Variants in NHS observed in about 807,000 individuals in gnomAD.
NHS encodes NHS actin remodeling regulator.
A neutral mutation model predicts 72.5 loss-of-function variants in NHS; 5 were observed. The ratio of observed to expected loss-of-function variants is 0.07; its 90% CI spans 0.04 to 0.14. The LOEUF is 0.14. Among genes scored for constraint, NHS ranks in the 10% least tolerant of loss-of-function variants. The pLI, the probability that NHS is intolerant of heterozygous loss-of-function variation, is 1.00. For synonymous variants in NHS, 464 were observed against 547.7 expected, an observed-to-expected ratio of 0.85 and a Z score of 2.13; for missense variants, 1,072 against 1,355.7, an observed-to-expected ratio of 0.79 and a Z score of 3.29.
chrX:17,544,946 G>A (rs958010928), intron 1 of NHS, among the ~76,000 whole-genome samples: 1 of 112,949 alleles, frequency 8.9e-6, no homozygotes, highest in African/African-American at 3.2e-5. Context: ...CTCTGCAGGA[G>A]CTAGTCAGTT....
At chrX:17,671,038 G>A (rs1056119989) in intron 1 of NHS, among the ~76,000 whole-genome samples, 2 of 111,541 alleles carry the variant, frequency 1.8e-5, no homozygotes, top group African/African-American at 6.5e-5. Context: ...GACTTCCTGA[G>A]AGGGTGCTGG....
intron 5 of NHS, among the ~76,000 whole-genome samples, chrX:17,723,726 G>GGGGTGTGTGT (rs577139213): frequency 1.4e-5 from 1 of 71,075 alleles, no homozygotes; most frequent in East Asian, 5.1e-4. Flanking sequence ...CAGCAAAAGA[G>GGGGTGTGTGT]GTGTGTGTGT....
intron 1 of NHS, among the ~76,000 whole-genome samples, chrX:17,413,785 AAAG>A (rs1299683314): frequency 8.9e-6 from 1 of 111,803 alleles, no homozygotes; most frequent in Non-Finnish European, 1.9e-5. Context: ...ACCCCCAAAA[AAAG>A]CAGATAAACA....
chrX:17,452,484 T>C lies in NHS; in HGVS notation c.565+76162T>C, dbSNP rs148910647. On this transcript the variant is annotated intron_variant, in intron 1 of 8. Transcript: ENST00000676302. ...TCCACCATTCCCTGGGCTCAGTATC[T>C]TTCTGTGTTTTTTTTTTTTGTTTTT... is the stretch of plus-strand genomic sequence containing the variant. Among the ~76,000 whole-genome samples the C allele has an allele frequency of 9.3e-3, 1,014 of 108,483 alleles. 17 individuals are homozygous for C. The highest frequency in any genetic ancestry group is 0.033 in the African/African-American group (954 of 29,311). 94.2% of individuals were successfully genotyped at this position (108,483 alleles called of 115,157 possible).
intron 1 of NHS, among the ~76,000 whole-genome samples, chrX:17,501,741 C>A (rs1225462622): frequency 8.9e-6 from 1 of 112,320 alleles, no homozygotes; most frequent in Non-Finnish European, 1.9e-5. Context: ...AACAAACAAA[C>A]AAACAAAAAG....
At chrX:17,606,058 C>G (rs1344129695) in intron 1 of NHS, among the ~76,000 whole-genome samples, 1 of 112,175 alleles carries the variant, frequency 8.9e-6, no homozygotes, top group Non-Finnish European at 1.9e-5. Context: ...CCATATGGGG[C>G]CCCTGGAAAC....
chrX:17,548,710 C>T (rs1441289756), intron 1 of NHS, among the ~76,000 whole-genome samples: 2 of 111,802 alleles, frequency 1.8e-5, no homozygotes, highest in Non-Finnish European at 3.8e-5. Flanking sequence ...TGTGTATATG[C>T]ACCACATACA....
At position 17,399,149 on chromosome X, in the gene NHS, C is replaced by T. The variant is rs561163065; in HGVS notation, c.565+22827C>T. 7.7e-4 allele frequency among the ~76,000 whole-genome samples: 84 copies of T among 109,412 alleles called. 2 individuals carry two copies. The South Asian group carries it at 0.027, about 36-fold the overall frequency. ...CAAGGTCTTGCTCTGTTGCCCAGGC[C>T]GGAGTGCAGTGGTACTATCTCAGCT... On this transcript the variant is annotated intron_variant, in intron 1 of 8. Transcript: ENST00000676302.
At chrX:17,587,558 G>T (rs185811537) in intron 1 of NHS, among the ~76,000 whole-genome samples, 1 of 112,115 alleles carries the variant, frequency 8.9e-6, no homozygotes, top group African/African-American at 3.2e-5. Flanking sequence ...TGCTAATTAC[G>T]CAATTGTGCG....
chrX:17,541,941 G>A (rs894548735), intron 1 of NHS, among the ~76,000 whole-genome samples: 3 of 111,617 alleles, frequency 2.7e-5, no homozygotes, highest in African/African-American at 3.3e-5. Flanking sequence ...GGAGACCTTC[G>A]CCTTGCTTAG....
rs367683789 is a variant in NHS, at chrX:17,725,911, C to T, written c.1805C>T (p.Thr602Met). 8.3e-6 allele frequency: 10 copies of T among 1,209,615 alleles called. No individual in the cohort carries two copies. The highest frequency in any genetic ancestry group is 5.3e-5 in the African/African-American group (3 of 56,983). ...TGTGACATCTCCTCCAACTCAGACA[C>T]GTTTGGGAGCCCCATCCACTGCATC... ...GSCDISSNSD[T>M]FGSPIHCIST... The change falls in exon 7 of 9, where the codon ACG (threonine) becomes ATG (methionine). Residue 602 changes from threonine to methionine, a missense_variant. Thr to Met is a moderately conservative substitution (Grantham distance 81). Transcript: ENST00000676302.
At chrX:17,502,310 G>A (rs2065039428) in intron 1 of NHS, among the ~76,000 whole-genome samples, 1 of 111,170 alleles carries the variant, frequency 9.0e-6, no homozygotes, top group Non-Finnish European at 1.9e-5. Context: ...GAGCAGGAGA[G>A]TGAAGGGCAG....
At chrX:17,698,620 GACAC>G in intron 3 of NHS, among the ~76,000 whole-genome samples, 1 of 111,813 alleles carries the variant, frequency 8.9e-6, no homozygotes, top group East Asian at 2.8e-4. Context: ...GTATAACATT[GACAC>G]CTGAACTGAT....
In NHS at chrX:17,615,161, CT is replaced by C. The variant is rs778080942; in HGVS notation, c.566-72580del. Among the ~76,000 whole-genome samples, 134 of 39,205 alleles carry C rather than the reference CT, an allele frequency of 3.4e-3. 3 individuals carry two copies. The highest frequency in any genetic ancestry group is 0.011 in the African/African-American group (111 of 10,095). The allele number at this position is 39,205 out of a possible 115,157, so 34.0% of individuals were successfully genotyped here. ...GTGTATATATATACGTGTATATATACTATATATATACGTATATATATAGTAT... is the reference window on the plus strand; with the variant it reads ...GTGTATATATATACGTGTATATATACATATATATACGTATATATATAGTAT... On this transcript the variant is annotated intron_variant, in intron 1 of 8. Transcript: ENST00000676302.
At chrX:17,715,318 G>A (rs2066358497) in intron 3 of NHS, among the ~76,000 whole-genome samples, 1 of 112,214 alleles carries the variant, frequency 8.9e-6, no homozygotes, top group Non-Finnish European at 1.9e-5. Flanking sequence ...TAGAATAATG[G>A]CCTCCAGTTC....
intron 1 of NHS, among the ~76,000 whole-genome samples, chrX:17,649,266 T>C (rs2065919746): frequency 2.7e-5 from 3 of 112,514 alleles, no homozygotes; most frequent in African/African-American, 9.7e-5. Flanking sequence ...GTGCATAGCT[T>C]GCTTTTTCTT....
At chrX:17,430,376 CTTTCTTTCTTT>C (rs1216783602) in intron 1 of NHS, among the ~76,000 whole-genome samples, 2 of 84,349 alleles carry the variant, frequency 2.4e-5, no homozygotes, top group Middle Eastern at 5.7e-3. Flanking sequence ...TTCTTTCCTT[CTTTCTTTCTTT>C]TTTCTTTCTT....
chrX:17,574,617 G>A (rs966054416), intron 1 of NHS, among the ~76,000 whole-genome samples: 9 of 111,993 alleles, frequency 8.0e-5, no homozygotes, highest in African/African-American at 2.6e-4. Context: ...GGCTTCCCTT[G>A]GCTAGGAGAG....
chrX:17,678,128 G>A (rs2066095939), intron 1 of NHS, among the ~76,000 whole-genome samples: 1 of 111,619 alleles, frequency 9.0e-6, no homozygotes, highest in Non-Finnish European at 1.9e-5. Flanking sequence ...GTATACAATA[G>A]AGTATATATG....
Sources: allele counts gnomAD v4.1 joint callset (sites outside exome capture counted in the v4.1 genomes callset), GRCh38; gene constraint gnomAD v4.1.1; transcripts MANE v1.5; gene names NCBI Gene and HGNC (gene_info 2026-07-23, HGNC 2026-07-21).